The following CA10 variants were observed in gnomAD, a reference collection of about 807,000 sequenced individuals.
The protein encoded by CA10 is carbonic anhydrase-related protein 10.
A neutral mutation model predicts 44.2 loss-of-function variants in CA10; 14 were observed. The observed-to-expected ratio is 0.32, with a 90% CI of 0.21 to 0.50. The LOEUF (loss-of-function observed/expected upper bound fraction) is 0.50. CA10 is among the 20% of genes least tolerant of loss of function. The pLI, the probability that CA10 is intolerant of heterozygous loss-of-function variation, is 0.99. For synonymous variants in CA10, 159 were observed against 141.6 expected, an observed-to-expected ratio of 1.12 and a Z score of -0.87; for missense variants, 350 against 409.7, an observed-to-expected ratio of 0.85 and a Z score of 1.26.
intron 3 of CA10, among the ~76,000 whole-genome samples, chr17:51,903,628 T>C (rs1344736887): frequency 6.6e-6 from 1 of 152,156 alleles, no homozygotes; most frequent in Non-Finnish European, 1.5e-5. Flanking sequence ...AATGCAAACC[T>C]GATTATACTC....
intron 2 of CA10, among the ~76,000 whole-genome samples, chr17:51,948,432 C>T (rs961426642): frequency 6.6e-6 from 1 of 152,138 alleles, no homozygotes; most frequent in African/African-American, 2.4e-5. Context: ...CTCATCATAA[C>T]CCCTTGGACA....
chr17:51,862,703 C>T (rs958826759), intron 3 of CA10, among the ~76,000 whole-genome samples: 4 of 151,962 alleles, frequency 2.6e-5, no homozygotes, highest in African/African-American at 7.2e-5. Context: ...TTATAGGGTG[C>T]CATTGTGGTT....
At position 51,709,555 on chromosome 17, in the gene CA10, G is replaced by T. The variant is rs557349346; in HGVS notation, c.465+38078C>A. ...ATAGATGGTGGACCCCACCTCCAGA[G>T]GTGGAAATTTAATTGACCTCAAGGT... is the stretch of plus-strand genomic sequence containing the variant. On this transcript the variant is annotated intron_variant, in intron 4 of 8. Coordinates refer to ENST00000451037, the MANE Select transcript of CA10 (RefSeq NM_020178.5). Among the ~76,000 whole-genome samples the T allele has an allele frequency of 4.6e-5, 7 of 152,274 alleles. No homozygotes were observed. In the South Asian group the frequency reaches 1.2e-3, roughly 27 times the overall value.
intron 3 of CA10, among the ~76,000 whole-genome samples, chr17:51,775,078 ACT>A (rs1905767904): frequency 1.3e-5 from 2 of 151,880 alleles, no homozygotes; most frequent in African/African-American, 4.8e-5. Context: ...ACACTTCTGG[ACT>A]CTCTGCCCCA....
At chr17:51,791,902 C>T (rs1265661811) in intron 3 of CA10, among the ~76,000 whole-genome samples, 1 of 152,104 alleles carries the variant, frequency 6.6e-6, no homozygotes, top group Non-Finnish European at 1.5e-5. Context: ...TATTTTAGAA[C>T]CTATGTAATT....
chr17:51,666,442 T>C (rs1405993850), intron 4 of CA10, among the ~76,000 whole-genome samples: 2 of 152,188 alleles, frequency 1.3e-5, no homozygotes. Context: ...TAGGGAATGT[T>C]GATGACAGCA....
intron 4 of CA10, among the ~76,000 whole-genome samples, chr17:51,694,793 C>A (rs1428518249): frequency 6.6e-6 from 1 of 152,140 alleles, no homozygotes; most frequent in African/African-American, 2.4e-5. Context: ...TGAGGTCTTA[C>A]ATTTACATCA....
At chr17:51,733,499 G>T (rs561485649) in intron 4 of CA10, among the ~76,000 whole-genome samples, 1 of 152,200 alleles carries the variant, frequency 6.6e-6, no homozygotes, top group African/African-American at 2.4e-5. Context: ...CTTTAATTAA[G>T]GGGGAAATAT....
intron 2 of CA10, among the ~76,000 whole-genome samples, chr17:52,025,080 A>G (rs1986258384): frequency 6.6e-6 from 1 of 151,678 alleles, no homozygotes; most frequent in Non-Finnish European, 1.5e-5. Flanking sequence ...TTCCCTCCCA[A>G]CCCCTGGTCC....
At chr17:51,773,342 A>G (rs964476571) in intron 3 of CA10, among the ~76,000 whole-genome samples, 1 of 152,210 alleles carries the variant, frequency 6.6e-6, no homozygotes, top group African/African-American at 2.4e-5. Flanking sequence ...GACTAGGACT[A>G]GGGAGATTAC....
chr17:51,654,346 A>C (rs548918245), intron 4 of CA10, among the ~76,000 whole-genome samples: 29 of 152,184 alleles, frequency 1.9e-4, no homozygotes, highest in South Asian at 6.2e-4. Context: ...CTGTTACTTA[A>C]TTTTTTTAAA....
At chr17:51,749,397 C>A (rs932029411) in intron 3 of CA10, among the ~76,000 whole-genome samples, 34 of 152,198 alleles carry the variant, frequency 2.2e-4, no homozygotes, top group African/African-American at 8.0e-4. Context: ...AACTACCATG[C>A]AAATGAGCCT....
intron 3 of CA10, among the ~76,000 whole-genome samples, chr17:51,874,809 C>G (rs558219533): frequency 6.6e-6 from 1 of 152,206 alleles, no homozygotes; most frequent in South Asian, 2.1e-4. Flanking sequence ...TTCTATTACT[C>G]ATATAGAGTG....
At chr17:52,061,608 G>A (rs1460267322) in intron 2 of CA10, among the ~76,000 whole-genome samples, 1 of 152,086 alleles carries the variant, frequency 6.6e-6, no homozygotes, top group East Asian at 1.9e-4. Context: ...TTCCCCACAT[G>A]TTGTTCTCAT....
intron 4 of CA10, among the ~76,000 whole-genome samples, chr17:51,728,908 A>T (rs193159871): frequency 6.6e-6 from 1 of 152,268 alleles, no homozygotes; most frequent in East Asian, 1.9e-4. Context: ...AAACTAAGTG[A>T]TGTGATTGTG....
intron 4 of CA10, among the ~76,000 whole-genome samples, chr17:51,677,385 G>A (rs945279396): frequency 1.3e-5 from 2 of 151,978 alleles, no homozygotes; most frequent in African/African-American, 2.4e-5. Context: ...CTCCTCCCTT[G>A]TGCTCTTCCT....
chr17:52,030,424 CAAAG>C (rs967275658), intron 2 of CA10, among the ~76,000 whole-genome samples: 31 of 152,096 alleles, frequency 2.0e-4, no homozygotes, highest in African/African-American at 2.4e-5. Flanking sequence ...TTCAGGCTGA[CAAAG>C]GAAACTTGCT....
intron 3 of CA10, among the ~76,000 whole-genome samples, chr17:51,777,319 G>T (rs923196733): frequency 6.6e-6 from 1 of 152,154 alleles, no homozygotes; most frequent in Non-Finnish European, 1.5e-5. Flanking sequence ...AAATATTTCA[G>T]GACAGTTTAG....
chr17:51,857,149 A>G (rs183160736), intron 3 of CA10, among the ~76,000 whole-genome samples: 1 of 152,336 alleles, frequency 6.6e-6, no homozygotes, highest in African/African-American at 2.4e-5. Flanking sequence ...TTACCAAAGC[A>G]TATATTCCAT....
Sources: allele counts gnomAD v4.1 joint callset (sites outside exome capture counted in the v4.1 genomes callset), GRCh38; gene constraint gnomAD v4.1.1; transcripts MANE v1.5; gene names NCBI Gene and HGNC (gene_info 2026-07-23, HGNC 2026-07-21).